The following MATCAP2 variants were observed in gnomAD, a reference collection of about 807,000 sequenced individuals.
MATCAP2 encodes microtubule associated tyrosine carboxypeptidase 2.
At chr7:36,326,719 A>G in the MATCAP2 span, 2 of 1,562,822 alleles carry the variant, frequency 1.3e-6, no homozygotes, top group Non-Finnish European at 1.7e-6. Context: ...GGTAATATAC[A>G]TGGAGGCATA....
chr7:36,326,993 G>T, the MATCAP2 span: 1 of 1,341,474 alleles, frequency 7.5e-7, no homozygotes. Flanking sequence ...TCTTCCCTGG[G>T]CCTTAAATGA....
At chr7:36,369,622 G>C in the MATCAP2 span, among the ~76,000 whole-genome samples, 1 of 152,138 alleles carries the variant, frequency 6.6e-6, no homozygotes, top group Non-Finnish European at 1.5e-5. Flanking sequence ...AAGTAACCAA[G>C]ATACATATTA....
the MATCAP2 span, among the ~76,000 whole-genome samples, chr7:36,377,734 A>G: frequency 6.6e-6 from 1 of 152,196 alleles, no homozygotes; most frequent in Non-Finnish European, 1.5e-5. Flanking sequence ...ACTTTCAGGT[A>G]CACCAATCAA....
chr7:36,326,892 T>C, the MATCAP2 span: 1,394 of 1,613,062 alleles, frequency 8.6e-4, 10 homozygotes, highest in African/African-American at 0.017. Flanking sequence ...CCAATCCTTT[T>C]AAGCGATCCA....
the MATCAP2 span, among the ~76,000 whole-genome samples, chr7:36,332,082 A>G: frequency 6.6e-6 from 1 of 152,212 alleles, no homozygotes; most frequent in African/African-American, 2.4e-5. Flanking sequence ...CATATTAATC[A>G]TTCTTTTGTA....
At chr7:36,389,916 C>T in the MATCAP2 span, 4 of 1,597,988 alleles carry the variant, frequency 2.5e-6, no homozygotes, top group Non-Finnish European at 3.4e-6. Flanking sequence ...GAGAGTTCCC[C>T]CGCCTCAGAC....
chr7:36,362,736 T>G, the MATCAP2 span, among the ~76,000 whole-genome samples: 1 of 152,228 alleles, frequency 6.6e-6, no homozygotes, highest in African/African-American at 2.4e-5. Flanking sequence ...CCGAACATAC[T>G]TCTTCACATG....
At chr7:36,338,764 A>T in the MATCAP2 span, among the ~76,000 whole-genome samples, 2 of 152,240 alleles carry the variant, frequency 1.3e-5, no homozygotes, top group African/African-American at 4.8e-5. Flanking sequence ...GTCATCTATT[A>T]TCTCTAAGGG....
At chr7:36,326,828 T>C in the MATCAP2 span, 3 of 1,614,144 alleles carry the variant, frequency 1.9e-6, no homozygotes, top group African/African-American at 1.3e-5. Flanking sequence ...AAGTGTTCCA[T>C]ATATCGGCCA....
the MATCAP2 span, chr7:36,336,143 G>A: frequency 1.7e-5 from 26 of 1,512,404 alleles, 1 homozygote; most frequent in South Asian, 2.1e-4. Context: ...GTGTTCACTC[G>A]CAGTTCATAC....
At chr7:36,340,389 TTTTG>T in the MATCAP2 span, among the ~76,000 whole-genome samples, 4 of 152,094 alleles carry the variant, frequency 2.6e-5, no homozygotes, top group Admixed American at 6.6e-5. Flanking sequence ...GCAGTGGGAT[TTTTG>T]TTTGTTTCTT....
At chr7:36,371,463 C>T in the MATCAP2 span, among the ~76,000 whole-genome samples, 369 of 152,144 alleles carry the variant, frequency 2.4e-3, 2 homozygotes, top group African/African-American at 8.7e-3. Flanking sequence ...ATTCTTCTTA[C>T]ATAGTAGAAC....
chr7:36,333,354 T>G, the MATCAP2 span, among the ~76,000 whole-genome samples: 13 of 152,084 alleles, frequency 8.5e-5, no homozygotes, highest in African/African-American at 3.1e-4. Context: ...TGCTTAGAGC[T>G]GGAGAGAGGG....
the MATCAP2 span, among the ~76,000 whole-genome samples, chr7:36,352,030 T>C: frequency 1.3e-5 from 2 of 151,150 alleles, no homozygotes; most frequent in African/African-American, 4.9e-5. Flanking sequence ...CGATATCAAA[T>C]GTACCCTAAC....
the MATCAP2 span, among the ~76,000 whole-genome samples, chr7:36,348,790 A>C: frequency 6.6e-6 from 1 of 152,242 alleles, no homozygotes; most frequent in African/African-American, 2.4e-5. Context: ...GAGGAAATAG[A>C]GGACATTCCA....
the MATCAP2 span, chr7:36,389,754 G>T: frequency 2.4e-6 from 1 of 424,356 alleles, no homozygotes; most frequent in Non-Finnish European, 4.0e-6. Flanking sequence ...CCGGCCCGGC[G>T]CGGCCACGTG....
the MATCAP2 span, among the ~76,000 whole-genome samples, chr7:36,346,733 A>G: frequency 2.6e-4 from 39 of 152,056 alleles, no homozygotes; most frequent in Non-Finnish European, 5.0e-4. Context: ...TACATTAAAA[A>G]CCACTGAACT....
chr7:36,358,592 T>A, the MATCAP2 span, among the ~76,000 whole-genome samples: 376 of 152,340 alleles, frequency 2.5e-3, 2 homozygotes, highest in African/African-American at 8.8e-3. Context: ...TTTTTAGAAC[T>A]CACAAGTGCT....
the MATCAP2 span, among the ~76,000 whole-genome samples, chr7:36,342,615 C>A: frequency 6.6e-6 from 1 of 152,094 alleles, no homozygotes. Context: ...TTCTTAATCA[C>A]AGATGAGTAA....
Sources: allele counts gnomAD v4.1 joint callset (sites outside exome capture counted in the v4.1 genomes callset), GRCh38; gene constraint gnomAD v4.1.1; transcripts MANE v1.5; gene names NCBI Gene and HGNC (gene_info 2026-07-23, HGNC 2026-07-21).